The following VPS26B variants were observed in gnomAD, a reference collection of about 807,000 sequenced individuals.
The protein encoded by VPS26B is VPS26 retromer complex component B.
Under a neutral mutation model 33.3 loss-of-function variants are expected in VPS26B, and 10 were observed. The ratio of observed to expected loss-of-function variants is 0.30; its 90% CI spans 0.19 to 0.51. The LOEUF (loss-of-function observed/expected upper bound fraction) is 0.51, where lower values mean the gene tolerates loss of function less well. Ranked by LOEUF, VPS26B falls within the 20% of genes least tolerant of loss-of-function variation. The probability of loss-of-function intolerance (pLI) is 0.98; values close to 1 mark genes in which losing one functional copy is unlikely to be tolerated. For missense variants in VPS26B, 317 were observed against 452.7 expected (o/e 0.70, Z 2.72); for synonymous variants, 190 against 176.9 (o/e 1.07, Z -0.59).
At chr11:134,225,496 G>A (rs1591874732) in intron 1 of VPS26B, 151 bp downstream of exon 1, 1 of 772,920 alleles carries the variant, frequency 1.3e-6, no homozygotes. Context: ...CCCGCCCGTG[G>A]GCGACTCCCC....
At position 134,240,225 on chromosome 11, in the gene VPS26B, C is replaced by G. The variant is rs1938695946; in HGVS notation, c.545+70C>G. 1 of 1,538,228 alleles carries G rather than the reference C, an allele frequency of 6.5e-7. No individual in the cohort carries two copies. The highest frequency in any genetic ancestry group is 8.9e-7 in the Non-Finnish European group (1 of 1,120,310). On this transcript the variant is annotated intron_variant, in intron 3 of 5. Transcript: ENST00000281187. The surrounding 1 kb of genome is among the most constrained non-coding windows in gnomAD (Gnocchi z 4.4). ...GTTAAGATGGGACTTGATGCAGATG[C>G]AAACTGATGACCCTCTGTGACTCGA...
intron 2 of VPS26B, 52 bp downstream of exon 2, chr11:134,235,105 G>T: frequency 6.4e-7 from 1 of 1,574,718 alleles, no homozygotes; most frequent in East Asian, 2.3e-5. Context: ...GCCCCATGTG[G>T]ACAAGGACCT....
Position 134,244,807 on chromosome 11 carries a change from G to T in VPS26B, c.722-131G>T. 7.7e-7 allele frequency: 1 copy of T among 1,292,978 alleles called. No homozygotes were observed. Among genetic ancestry groups the T allele is most frequent in the Non-Finnish European group, 1.0e-6 (1 of 967,834 alleles). The allele number at this position is 1,292,978 out of a possible 1,614,324, so 80.1% of individuals were successfully genotyped here. On this transcript the variant is annotated intron_variant, in intron 4 of 5. Coordinates refer to ENST00000281187, the MANE Select transcript of VPS26B (RefSeq NM_052875.5). This position sits in a 1 kb window ranked among gnomAD's most constrained non-coding sequence, Gnocchi z 4.0. Reference sequence around the variant, plus strand: ...CCACCTGCTGGGCAGCAGAGCGACTGCACCTTCCCAGAAGGCTGAAGTGCT... The same window carrying T: ...CCACCTGCTGGGCAGCAGAGCGACTTCACCTTCCCAGAAGGCTGAAGTGCT...
In VPS26B at chr11:134,245,076, A is replaced by G; in HGVS notation, c.860A>G (p.Gln287Arg). Residue 287 changes from glutamine (Q) to arginine (R), a missense_variant, in exon 5 of 6, where the codon CAG becomes CGG. Gln to Arg is a conservative substitution (Grantham distance 43). Coordinates refer to ENST00000281187, the MANE Select transcript of VPS26B (RefSeq NM_052875.5). The surrounding 1 kb of genome is among the most constrained non-coding windows in gnomAD (Gnocchi z 4.7). ...GAGGAGGAGCGGCGCTACTTCAAGCAGCAGGTGAGGGCCAGGCTCCTCCAG... is the reference window on the plus strand; with the variant it reads ...GAGGAGGAGCGGCGCTACTTCAAGCGGCAGGTGAGGGCCAGGCTCCTCCAG... The part of the protein sequence containing the change: ...IDEEERRYFK[Q>R]QEVVLWRKGD... The G allele has an allele frequency of 6.2e-7, 1 of 1,614,042 alleles. No individual in the cohort carries two copies.
rs1938806881 is a variant in VPS26B at position 134,245,838 on chromosome 11, C to CTCTGGGGA, written c.*249_*256dup. 4 of 495,766 alleles carry CTCTGGGGA rather than the reference C, an allele frequency of 8.1e-6. No individual in the cohort carries two copies. The highest frequency in any genetic ancestry group is 1.4e-5 in the Non-Finnish European group (4 of 279,128). 30.7% of individuals were successfully genotyped at this position (495,766 alleles called of 1,614,324 possible). The stretch of plus-strand genomic sequence containing the variant: ...GAGGTAGCATCCTGGAAGCCAGCCT[C>CTCTGGGGA]TCTGGGGAACATGAGCCCCCTTCCT... On this transcript the variant is annotated 3_prime_UTR_variant, in exon 6 of 6. Transcript: ENST00000281187. This position sits in a 1 kb window ranked among gnomAD's most constrained non-coding sequence, Gnocchi z 4.7.
chr11:134,245,324 G>A lies in VPS26B; in HGVS notation c.865-120G>A. On this transcript the variant is annotated intron_variant, in intron 5 of 5. Coordinates refer to ENST00000281187, the MANE Select transcript of VPS26B (RefSeq NM_052875.5). This position sits in a 1 kb window ranked among gnomAD's most constrained non-coding sequence, Gnocchi z 4.7. ...GGTGCTGGCAGCTGCTGCCTTTGGT[G>A]AGAGAGAAGCAGAGGAGGTCCTTGC... 6.9e-7 allele frequency: 1 copy of A among 1,452,480 alleles called. No homozygotes were observed. The highest frequency in any genetic ancestry group is 1.3e-5 in the South Asian group (1 of 76,406). The allele number at this position is 1,452,480 out of a possible 1,614,324, so 90.0% of individuals were successfully genotyped here.
chr11:134,238,922 C>T (rs1938677419), intron 2 of VPS26B, among the ~76,000 whole-genome samples: 1 of 152,094 alleles, frequency 6.6e-6, no homozygotes, highest in Admixed American at 6.6e-5. Context: ...TCTGGTAATG[C>T]TTGACAGATG....
chr11:134,245,765 G>A lies in VPS26B; in HGVS notation c.*175G>A. On this transcript the variant is annotated 3_prime_UTR_variant, in exon 6 of 6. Coordinates refer to ENST00000281187, the MANE Select transcript of VPS26B (RefSeq NM_052875.5). The surrounding 1 kb of genome is among the most constrained non-coding windows in gnomAD (Gnocchi z 4.7). Reference sequence around the variant, plus strand: ...CTCTGGAGAACCCAAGGGGCTTGGGGTGGGAAGCAGTCTCTCCTTGGGATT... The same window carrying A: ...CTCTGGAGAACCCAAGGGGCTTGGGATGGGAAGCAGTCTCTCCTTGGGATT... 15 of 858,082 alleles carry A rather than the reference G, an allele frequency of 1.7e-5. 1 individual carries two copies. In the South Asian group the frequency reaches 2.6e-4, roughly 15 times the overall value. The allele number at this position is 858,082 out of a possible 1,614,324, so 53.2% of individuals were successfully genotyped here.
At position 134,240,155 on chromosome 11, in the gene VPS26B, A is replaced by G. The variant is rs759932615; in HGVS notation, c.545A>G (p.Lys182Arg). The part of the protein sequence containing the change: ...LHIEFEYNKS[K>R]YHLKDVIVGK... ...ATTGAATTTGAGTACAATAAATCCAAGTAAGTGTCTCAGTGCCAAGGTTGT... is the reference window on the plus strand; with the variant it reads ...ATTGAATTTGAGTACAATAAATCCAGGTAAGTGTCTCAGTGCCAAGGTTGT... The change falls in exon 3 of 6, where the codon AAA becomes AGA. Residue 182 changes from lysine to arginine, a missense_variant and splice_region_variant. Lys to Arg is a conservative substitution (Grantham distance 26). Coordinates refer to ENST00000281187, the MANE Select transcript of VPS26B (RefSeq NM_052875.5). The surrounding 1 kb of genome is among the most constrained non-coding windows in gnomAD (Gnocchi z 4.4). 3 of 1,614,172 alleles carry G rather than the reference A, an allele frequency of 1.9e-6. No homozygotes were observed. The Admixed American group carries it at 5.0e-5, about 27-fold the overall frequency.
At chr11:134,225,391 CG>C (rs2136042935) in intron 1 of VPS26B, 46 bp downstream of exon 1, 1 of 1,597,014 alleles carries the variant, frequency 6.3e-7, no homozygotes, top group East Asian at 2.2e-5. Context: ...GACAGCCGGC[CG>C]GGGAGCAGGG....
In VPS26B at chr11:134,245,339, GA is replaced by G; in HGVS notation, c.865-104del. On this transcript the variant is annotated intron_variant, in intron 5 of 5. Coordinates refer to ENST00000281187, the MANE Select transcript of VPS26B (RefSeq NM_052875.5). This position sits in a 1 kb window ranked among gnomAD's most constrained non-coding sequence, Gnocchi z 4.7. ...TGCCTTTGGTGAGAGAGAAGCAGAG[GA>G]GGTCCTTGCCCGAGATTCCCCACGT... The G allele has an allele frequency of 1.3e-6, 2 of 1,511,784 alleles. No homozygotes were observed. The highest frequency in any genetic ancestry group is 1.8e-6 in the Non-Finnish European group (2 of 1,110,372). 93.6% of individuals were successfully genotyped at this position (1,511,784 alleles called of 1,614,324 possible).
intron 2 of VPS26B, 183 bp from the exon 3 acceptor site, chr11:134,239,808 T>TGAAAAG (rs1938689620): frequency 3.1e-5 from 20 of 653,146 alleles, no homozygotes; most frequent in Non-Finnish European, 4.3e-5. Context: ...AAAAGGTCTC[T>TGAAAAG]GTATAGGTAC....
chr11:134,234,553 C>T (rs1367405374), intron 1 of VPS26B, among the ~76,000 whole-genome samples: 5 of 152,098 alleles, frequency 3.3e-5, no homozygotes, highest in African/African-American at 4.8e-5. Flanking sequence ...TATATCCTTT[C>T]GGAAGTTGGA....
chr11:134,239,891 C>A (rs1938690704), intron 2 of VPS26B, 100 bp from the exon 3 acceptor site: 1 of 1,379,928 alleles, frequency 7.2e-7, no homozygotes, highest in Non-Finnish European at 1.0e-6. Context: ...GGTTAAGAAC[C>A]TTTGTACAGG....
chr11:134,244,376 C>T lies in VPS26B; in HGVS notation c.722-562C>T, dbSNP rs1438970350. ...AAGGGATCTGTAGTATCACGCAGTC[C>T]GATTCTCTAATTTTCCACATGAGAA... On this transcript the variant is annotated intron_variant, in intron 4 of 5. Coordinates refer to ENST00000281187, the MANE Select transcript of VPS26B (RefSeq NM_052875.5). This position sits in a 1 kb window ranked among gnomAD's most constrained non-coding sequence, Gnocchi z 4.0. 2 of 152,426 alleles carry T rather than the reference C, an allele frequency of 1.3e-5. No individual in the cohort carries two copies. Among genetic ancestry groups the T allele is most frequent in the Non-Finnish European group, 2.9e-5 (2 of 68,284 alleles). 9.4% of individuals were successfully genotyped at this position (152,426 alleles called of 1,614,324 possible).
chr11:134,243,364 G>A, intron 4 of VPS26B, 70 bp downstream of exon 4: 2 of 1,558,454 alleles, frequency 1.3e-6, no homozygotes, highest in Non-Finnish European at 1.8e-6. Flanking sequence ...TTCTGGAGGG[G>A]CTTGAGGGAT....
At chr11:134,235,128 A>G in intron 2 of VPS26B, 75 bp downstream of exon 2, 1 of 1,522,640 alleles carries the variant, frequency 6.6e-7, no homozygotes, top group Non-Finnish European at 8.9e-7. Context: ...GGCCGTCCCC[A>G]CTTTGAGAAT....
intron 1 of VPS26B, among the ~76,000 whole-genome samples, chr11:134,228,598 GTGAAGA>G (rs986078599): frequency 6.6e-6 from 1 of 152,364 alleles, no homozygotes; most frequent in Admixed American, 6.5e-5. Context: ...TTGACAGGGA[GTGAAGA>G]TGTACTATTT....
chr11:134,235,103 T>C, intron 2 of VPS26B, 50 bp downstream of exon 2: 1 of 1,580,642 alleles, frequency 6.3e-7, no homozygotes, highest in Non-Finnish European at 8.6e-7. Flanking sequence ...CTGCCCCATG[T>C]GGACAAGGAC....
Sources: gnomAD v4.1 joint callset for allele counts (sites outside exome capture counted in the v4.1 genomes callset) on GRCh38, gnomAD v4.1.1 for gene constraint, Gnocchi (gnomAD v3.1) non-coding constraint, MANE v1.5 for transcripts, NCBI Gene and HGNC (gene_info 2026-07-23, HGNC 2026-07-21) for gene names.